The following INTS8 variants were observed in gnomAD, a reference collection of about 807,000 sequenced individuals.
INTS8 encodes protein kaonashi-1.
INTS8 carries 47 observed loss-of-function variants against 138.9 expected under a neutral mutation model. The ratio of observed to expected loss-of-function variants is 0.34; its 90% CI spans 0.27 to 0.43. The LOEUF is 0.43. Ranked by LOEUF, INTS8 falls within the 20% of genes least tolerant of loss-of-function variation. The pLI is 1.00. For synonymous variants in INTS8, 392 were observed against 400.9 expected (o/e 0.98, Z 0.27); for missense variants, 996 against 1,173.0 (o/e 0.85, Z 2.20).
intron 14 of INTS8, among the ~76,000 whole-genome samples, chr8:94,856,301 T>G (rs1174167460): frequency 6.6e-6 from 1 of 152,190 alleles, no homozygotes; most frequent in Non-Finnish European, 1.5e-5. Context: ...AATATAGTCT[T>G]TGGAAACATA....
At chr8:94,824,036 T>A (rs938442959) in intron 1 of INTS8, among the ~76,000 whole-genome samples, 3 of 152,242 alleles carry the variant, frequency 2.0e-5, no homozygotes, top group Non-Finnish European at 4.4e-5. Context: ...TATTGACTCT[T>A]ATTCCAAAGT....
At chr8:94,865,454 T>C in intron 16 of INTS8, 52 bp from the exon 17 acceptor site, 8 of 1,450,340 alleles carry the variant, frequency 5.5e-6, no homozygotes, top group Non-Finnish European at 7.6e-6. Flanking sequence ...ATAGAACTAA[T>C]GTGCACGACA....
chr8:94,838,032 A>C (rs1385953484), intron 7 of INTS8, among the ~76,000 whole-genome samples: 3 of 149,800 alleles, frequency 2.0e-5, no homozygotes, highest in Admixed American at 6.7e-5. Context: ...TCCAGTTTTA[A>C]ATTTTTCTTT....
At chr8:94,870,766 A>G (rs1816366840) in intron 20 of INTS8, among the ~76,000 whole-genome samples, 1 of 152,198 alleles carries the variant, frequency 6.6e-6, no homozygotes, top group Admixed American at 6.5e-5. Flanking sequence ...CAACAGAAGT[A>G]CCTTGTCTAA....
At chr8:94,848,523 A>C (rs1586493512) in intron 10 of INTS8, among the ~76,000 whole-genome samples, 1 of 152,076 alleles carries the variant, frequency 6.6e-6, no homozygotes, top group East Asian at 1.9e-4. Flanking sequence ...GCAACTACTA[A>C]TCTAATTTCT....
chr8:94,858,526 T>C (rs1815836034), intron 15 of INTS8, among the ~76,000 whole-genome samples: 2 of 152,206 alleles, frequency 1.3e-5, no homozygotes. Flanking sequence ...TTTTCTAAAA[T>C]GAGAAAGAAT....
At chr8:94,873,232 A>G in intron 21 of INTS8, 142 bp from the exon 22 acceptor site, 1 of 733,426 alleles carries the variant, frequency 1.4e-6, no homozygotes, top group Non-Finnish European at 2.5e-6. Context: ...TTTGGCAAGA[A>G]ATACGAACTA....
At chr8:94,869,758 T>C (rs1211219660) in intron 20 of INTS8, among the ~76,000 whole-genome samples, 6 of 152,218 alleles carry the variant, frequency 3.9e-5, no homozygotes, top group Non-Finnish European at 8.8e-5. Flanking sequence ...CCCAAAGTGC[T>C]GGGATTACAG....
In INTS8 at chr8:94,859,382, G is replaced by A. The variant is rs145750744; in HGVS notation, c.1955-129G>A. 3.7e-4 allele frequency: 304 copies of A among 824,988 alleles called. No individual in the cohort carries two copies. The African/African-American group carries it at 4.8e-3, about 13-fold the overall frequency. 51.1% of individuals were successfully genotyped at this position (824,988 alleles called of 1,614,324 possible). Reference sequence around the variant, plus strand: ...TCCTGCCTTGGCCTCCCAAAGTGTTGGGATTACAGGTGTGAGCCACCATAC... The same window carrying A: ...TCCTGCCTTGGCCTCCCAAAGTGTTAGGATTACAGGTGTGAGCCACCATAC... On this transcript the variant is annotated intron_variant, in intron 15 of 26. Coordinates refer to ENST00000523731, the MANE Select transcript of INTS8 (RefSeq NM_017864.4).
chr8:94,844,772 T>G lies in INTS8; in HGVS notation c.1260+2284T>G, dbSNP rs547047974. 9.2e-5 allele frequency among the ~76,000 whole-genome samples: 14 copies of G among 151,606 alleles called. No homozygotes were observed. The East Asian group carries it at 2.7e-3, about 29-fold the overall frequency. On this transcript the variant is annotated intron_variant, in intron 10 of 26. Transcript: ENST00000523731. ...TTTTTCTTTTTTTTTTTTTTTTGTT[T>G]GAGACGGGTCTCACTCTATCACCCA...
At chr8:94,857,547 G>C (rs1381068183) in intron 15 of INTS8, among the ~76,000 whole-genome samples, 1 of 152,166 alleles carries the variant, frequency 6.6e-6, no homozygotes, top group South Asian at 2.1e-4. Flanking sequence ...TCCCAGTTCT[G>C]GAGGCCGGAT....
At chr8:94,847,814 TG>T (rs1815385809) in intron 10 of INTS8, among the ~76,000 whole-genome samples, 1 of 152,160 alleles carries the variant, frequency 6.6e-6, no homozygotes, top group African/African-American at 2.4e-5. Flanking sequence ...CTTCTCACTA[TG>T]TGAATAAATA....
Position 94,831,168 on chromosome 8 carries a change from C to T in INTS8, c.571-824C>T, listed in dbSNP as rs141247026. Among the ~76,000 whole-genome samples the T allele has an allele frequency of 4.8e-3, 733 of 152,140 alleles. 3 individuals carry two copies. Among genetic ancestry groups the T allele is most frequent in the African/African-American group, 0.016 (672 of 41,510 alleles). Reference sequence around the variant, plus strand: ...TTACTCTGTCACCCAGGCTGGAGTGCAGTGGCATGATCTCAGCTCACTGCA... The same window carrying T: ...TTACTCTGTCACCCAGGCTGGAGTGTAGTGGCATGATCTCAGCTCACTGCA... On this transcript the variant is annotated intron_variant, in intron 5 of 26. Coordinates refer to ENST00000523731, the MANE Select transcript of INTS8 (RefSeq NM_017864.4).
chr8:94,825,115 C>T, intron 2 of INTS8, 48 bp downstream of exon 2: 1 of 1,315,358 alleles, frequency 7.6e-7, no homozygotes, highest in Non-Finnish European at 1.1e-6. Flanking sequence ...ATTTAGATAT[C>T]TTGGTTTATT....
intron 26 of INTS8, among the ~76,000 whole-genome samples, chr8:94,877,383 A>G (rs1273689680): frequency 6.6e-6 from 1 of 152,234 alleles, no homozygotes; most frequent in Non-Finnish European, 1.5e-5. Flanking sequence ...AACAATAATA[A>G]CAGCACTTAA....
intron 10 of INTS8, among the ~76,000 whole-genome samples, chr8:94,845,368 T>A (rs1815295086): frequency 6.6e-6 from 1 of 152,188 alleles, no homozygotes; most frequent in Non-Finnish European, 1.5e-5. Flanking sequence ...TGTATGGGCC[T>A]GTTTCTGAGC....
rs138477728 is a variant in INTS8, at chr8:94,860,653, G to C, written c.2076+1021G>C. Among the ~76,000 whole-genome samples, 100 of 148,882 alleles carry C rather than the reference G, an allele frequency of 6.7e-4. 2 individuals carry two copies. The East Asian group carries it at 0.018, about 27-fold the overall frequency. On this transcript the variant is annotated intron_variant, in intron 16 of 26. Coordinates refer to ENST00000523731, the MANE Select transcript of INTS8 (RefSeq NM_017864.4). ...TAGTGATTTAACATTATACGTCCCT[G>C]TCTCCTTTTTGGGTATATTTGGTGC...
In INTS8 at chr8:94,823,310, C is replaced by T. The variant is rs564907558; in HGVS notation, c.-122C>T. 3 of 1,521,690 alleles carry T rather than the reference C, an allele frequency of 2.0e-6. No homozygotes were observed. The highest frequency in any genetic ancestry group is 2.6e-6 in the Non-Finnish European group (3 of 1,139,200). The allele number at this position is 1,521,690 out of a possible 1,614,324, so 94.3% of individuals were successfully genotyped here. A position where few individuals can be genotyped will look rare whatever the true frequency, so the allele number is the denominator to read the frequency against. On this transcript the variant is annotated 5_prime_UTR_variant, in exon 1 of 27. Transcript: ENST00000523731. ...CCGCCATTTTGGATTGTGTGAGTTT[C>T]CGGGACGTTCGGAGGGTGGCCTCTC...
rs138459426 is a variant in INTS8 at position 94,849,949 on chromosome 8, T to C, written c.1365T>C (p.Tyr455=). ...NVCLGLEDLQ[Y]VFMISSHELF... ...GTCTGGGGTTGGAAGATCTGCAGTA[T>C]GTTTTCATGATTTCTTCACATGAGC... The change falls in exon 12 of 27, where the codon TAT becomes TAC. Residue 455 remains tyrosine (Y), a synonymous_variant. Coordinates refer to ENST00000523731, the MANE Select transcript of INTS8 (RefSeq NM_017864.4). 4.3e-6 allele frequency: 7 copies of C among 1,613,034 alleles called. No individual in the cohort carries two copies. The highest frequency in any genetic ancestry group is 3.3e-5 in the South Asian group (3 of 90,830).
Sources: gnomAD v4.1 joint callset for allele counts (sites outside exome capture counted in the v4.1 genomes callset) on GRCh38, gnomAD v4.1.1 for gene constraint, MANE v1.5 for transcripts, NCBI Gene and HGNC (gene_info 2026-07-23, HGNC 2026-07-21) for gene names.